The following MEGF11 variants were observed in gnomAD, a reference collection of about 807,000 sequenced individuals.
MEGF11 encodes the protein multiple EGF like domains 11.
MEGF11 carries 126 observed loss-of-function variants against 146.6 expected under a neutral mutation model. The observed-to-expected ratio is 0.86, with a 90% confidence interval of 0.74 to 1.00. The LOEUF is 1.00. Among genes scored for constraint, MEGF11 ranks in the 50% least tolerant of loss-of-function variants. MEGF11 has a pLI of 0.00. For synonymous variants in MEGF11, 532 were observed against 583.4 expected, an observed-to-expected ratio of 0.91 and a Z score of 1.27; for missense variants, 1,509 against 1,521.2, an observed-to-expected ratio of 0.99 and a Z score of 0.13.
At chr15:66,121,994 G>A (rs2088049575) in intron 3 of MEGF11, among the ~76,000 whole-genome samples, 1 of 152,194 alleles carries the variant, frequency 6.6e-6, no homozygotes, top group African/African-American at 2.4e-5. Flanking sequence ...GCCAGGCGTG[G>A]TGGCTCACAC....
intron 10 of MEGF11, among the ~76,000 whole-genome samples, chr15:65,938,067 G>A (rs1003631789): frequency 1.3e-5 from 2 of 152,196 alleles, no homozygotes; most frequent in Non-Finnish European, 2.9e-5. Context: ...AGCCCTCTTG[G>A]GCTTCTAAGA....
intron 5 of MEGF11, among the ~76,000 whole-genome samples, chr15:66,078,474 C>T (rs2085689024): frequency 6.6e-6 from 1 of 152,222 alleles, no homozygotes; most frequent in Admixed American, 6.5e-5. Context: ...TCTGCGGTGG[C>T]CCACAGGTGG....
At chr15:66,065,918 GC>G (rs935549363) in intron 5 of MEGF11, among the ~76,000 whole-genome samples, 1 of 152,160 alleles carries the variant, frequency 6.6e-6, no homozygotes, top group African/African-American at 2.4e-5. Context: ...AGGGGCTGGG[GC>G]CTGGGGTGAG....
chr15:65,916,538 C>T (rs1304475756), intron 17 of MEGF11: 27 of 654,538 alleles, frequency 4.1e-5, no homozygotes, highest in Admixed American at 1.4e-4. Context: ...ACAGGCTGCT[C>T]CTCCCCACTC....
chr15:66,012,487 A>T, intron 5 of MEGF11, among the ~76,000 whole-genome samples: 1 of 152,224 alleles, frequency 6.6e-6, no homozygotes, highest in Non-Finnish European at 1.5e-5. Flanking sequence ...ATGTCAAAGC[A>T]GCCCAACTGA....
intron 1 of MEGF11, among the ~76,000 whole-genome samples, chr15:66,252,542 T>A (rs113969312): frequency 6.6e-6 from 1 of 151,876 alleles, no homozygotes; most frequent in Non-Finnish European, 1.5e-5. Context: ...CGGCTGCCGC[T>A]GGATGGAGCC....
chr15:66,039,074 C>G (rs961563844), intron 5 of MEGF11, among the ~76,000 whole-genome samples: 1 of 152,132 alleles, frequency 6.6e-6, no homozygotes, highest in East Asian at 1.9e-4. Flanking sequence ...TCAGCCCTAC[C>G]AAAGGAGAAA....
At chr15:66,107,683 G>C (rs1386117687) in intron 4 of MEGF11, among the ~76,000 whole-genome samples, 1 of 152,162 alleles carries the variant, frequency 6.6e-6, no homozygotes, top group Non-Finnish European at 1.5e-5. Flanking sequence ...GAGAGGAGCA[G>C]CCCTCAGACC....
intron 1 of MEGF11, among the ~76,000 whole-genome samples, chr15:66,225,054 G>A (rs148999375): frequency 3.8e-4 from 58 of 152,314 alleles, no homozygotes; most frequent in East Asian, 1.9e-3. Context: ...GGCCATTCCC[G>A]AGACCCTGAG....
rs1280670508 is a variant in MEGF11, at chr15:65,906,233, C to G, written c.2999-92G>C. On this transcript the variant is annotated intron_variant, in intron 23 of 25. Coordinates refer to ENST00000395614, the MANE Select transcript of MEGF11 (RefSeq NM_001385028.1). ...TTCTTTCTTTTCTTGCTTTTCCCCC[C>G]CCTTCTCCCCTACCCAGAAAATAAA... The G allele has an allele frequency of 3.6e-5, 31 of 863,006 alleles. 1 individual carries two copies. The highest frequency in any genetic ancestry group is 1.7e-4 in the South Asian group (11 of 63,698). The allele number at this position is 863,006 out of a possible 1,614,324, so 53.5% of individuals were successfully genotyped here.
At chr15:66,166,879 GA>G (rs2141097673) in intron 1 of MEGF11, among the ~76,000 whole-genome samples, 1 of 152,222 alleles carries the variant, frequency 6.6e-6, no homozygotes, top group East Asian at 1.9e-4. Context: ...AAGTACAAGT[GA>G]ATAAAGGTTT....
intron 1 of MEGF11, among the ~76,000 whole-genome samples, chr15:66,212,978 C>T (rs1457974408): frequency 1.3e-5 from 2 of 152,222 alleles, no homozygotes; most frequent in Non-Finnish European, 2.9e-5. Context: ...CCCAGGCTTC[C>T]AGTCCTGTAG....
intron 1 of MEGF11, among the ~76,000 whole-genome samples, chr15:66,147,202 A>G (rs552003432): frequency 6.6e-6 from 1 of 152,218 alleles, no homozygotes; most frequent in African/African-American, 2.4e-5. Context: ...CCCAGTCCAT[A>G]TCAATCTGGC....
chr15:65,925,246 T>G (rs898568960), intron 13 of MEGF11, among the ~76,000 whole-genome samples: 2 of 152,246 alleles, frequency 1.3e-5, no homozygotes, highest in African/African-American at 4.8e-5. Context: ...TGTGGAATCC[T>G]TAGTGTTTTC....
intron 10 of MEGF11, among the ~76,000 whole-genome samples, chr15:65,936,531 A>G (rs2079795405): frequency 6.6e-6 from 1 of 152,186 alleles, no homozygotes; most frequent in Non-Finnish European, 1.5e-5. Context: ...TTTGCTGAGT[A>G]AGGGCCAACT....
At chr15:66,081,641 A>C (rs2085860585) in intron 5 of MEGF11, among the ~76,000 whole-genome samples, 1 of 152,162 alleles carries the variant, frequency 6.6e-6, no homozygotes, top group African/African-American at 2.4e-5. Flanking sequence ...AGCCTTCCAA[A>C]GTGCTGGGAT....
intron 13 of MEGF11, among the ~76,000 whole-genome samples, chr15:65,924,175 C>A (rs28481474): frequency 1.3e-5 from 2 of 151,766 alleles, no homozygotes; most frequent in Non-Finnish European, 2.9e-5. Context: ...CCTGGGCTGG[C>A]GAGGAGAGGG....
chr15:66,135,046 TGA>T (rs2088828723), intron 1 of MEGF11, among the ~76,000 whole-genome samples: 1 of 152,250 alleles, frequency 6.6e-6, no homozygotes. Context: ...GCTCCAGGGC[TGA>T]GTGTTTCACG....
intron 1 of MEGF11, among the ~76,000 whole-genome samples, chr15:66,133,914 G>A (rs1597114262): frequency 2.0e-5 from 3 of 152,006 alleles, no homozygotes; most frequent in East Asian, 1.9e-4. Flanking sequence ...CCTGGCCCCC[G>A]GGATAAATCA....
Sources: allele counts gnomAD v4.1 joint callset (sites outside exome capture counted in the v4.1 genomes callset), GRCh38; gene constraint gnomAD v4.1.1; transcripts MANE v1.5; gene names NCBI Gene and HGNC (gene_info 2026-07-23, HGNC 2026-07-21).